DHRS12: variants seen among roughly 807,000 people sequenced by gnomAD.
DHRS12 encodes the protein dehydrogenase/reductase 12.
In DHRS12, 29 loss-of-function variants were observed where a neutral mutation model predicts 32.1. That is an observed-to-expected ratio of 0.90 (90% CI 0.67 to 1.23). The LOEUF (loss-of-function observed/expected upper bound fraction) is 1.23. Ranked by LOEUF, DHRS12 falls within the 50% of genes most tolerant of loss-of-function variation. The pLI is 0.00. For missense variants in DHRS12, 330 were observed against 337.2 expected (o/e 0.98, Z 0.17); for synonymous variants, 150 against 135.9 (o/e 1.10, Z -0.72).
chr13:51,777,014 G>A lies in DHRS12; in HGVS notation c.363+46C>T, dbSNP rs765656374. 7.4e-6 allele frequency: 12 copies of A among 1,612,202 alleles called. No homozygotes were observed. In the East Asian group the frequency reaches 2.7e-4, roughly 36 times the overall value. On this transcript the variant is annotated intron_variant, in intron 5 of 8. Coordinates refer to ENST00000444610, the MANE Select transcript of DHRS12 (RefSeq NM_001377533.1). ...ACCTAGGCCCACTGACTTCCCATCA[G>A]GAGCAAAGTCCATTATCCTCAAAAC...
At chr13:51,774,442 TCTC>T (rs200339775) in intron 5 of DHRS12, 1 of 116,758 alleles carries the variant, frequency 8.6e-6, no homozygotes, top group Non-Finnish European at 1.7e-5. Context: ...CTACATGTAT[TCTC>T]CTACAGTACA....
intron 8 of DHRS12, chr13:51,768,594 C>T: frequency 8.1e-7 from 1 of 1,229,170 alleles, no homozygotes; most frequent in South Asian, 2.3e-5. Context: ...ACCAGCGCTT[C>T]AGAATTCCTC....
the DHRS12 span, chr13:51,756,729 A>G: frequency 1.3e-6 from 1 of 797,346 alleles, no homozygotes. Flanking sequence ...TGCTCCCAGA[A>G]CAAACCCTTC....
rs145023943 is a variant in DHRS12 at position 51,797,602 on chromosome 13, C to T, written c.126+1932G>A. Among the ~76,000 whole-genome samples, 1,182 of 152,280 alleles carry T rather than the reference C, an allele frequency of 7.8e-3. 11 individuals are homozygous for T. The highest frequency in any genetic ancestry group is 0.01 in the Middle Eastern group (3 of 294). ...TGCTGGCCTCTGCTGGTTTCACAGGCAGCTCAGGACCATGCGGTCAAGCCT... is the reference window on the plus strand; with the variant it reads ...TGCTGGCCTCTGCTGGTTTCACAGGTAGCTCAGGACCATGCGGTCAAGCCT... On this transcript the variant is annotated intron_variant, in intron 2 of 8. Transcript: ENST00000444610.
chr13:51,758,291 G>C, the DHRS12 span: 1 of 1,587,364 alleles, frequency 6.3e-7, no homozygotes, highest in East Asian at 2.3e-5. Context: ...GAACTGACAA[G>C]GTTATTAAGG....
At position 51,782,213 on chromosome 13, in the gene DHRS12, G is replaced by C. The variant is rs1338259071; in HGVS notation, c.302-5092C>G. On this transcript the variant is annotated intron_variant, in intron 4 of 8. Coordinates refer to ENST00000444610, the MANE Select transcript of DHRS12 (RefSeq NM_001377533.1). The surrounding 1 kb of genome is among the most constrained non-coding windows in gnomAD (Gnocchi z 4.2). ...ATCTGGACCTGGAACTCAGAAGAGA[G>C]ATCTGGGCTGGAAGGGGGCCCTTGG... 6.6e-6 allele frequency among the ~76,000 whole-genome samples: 1 copy of C among 152,150 alleles called. No homozygotes were observed. Among genetic ancestry groups the C allele is most frequent in the Non-Finnish European group, 1.5e-5 (1 of 68,020 alleles).
chr13:51,789,687 T>C, intron 4 of DHRS12: 1 of 985,458 alleles, frequency 1.0e-6, no homozygotes, highest in Non-Finnish European at 1.2e-6. Context: ...GAAGTTCCTT[T>C]GGTTGCAGTT....
rs376665317 is a variant in DHRS12 at position 51,792,200 on chromosome 13, T to C, written c.127-943A>G. On this transcript the variant is annotated intron_variant, in intron 2 of 8. Transcript: ENST00000444610. ...ACTGTTTTCCATAGAGGCTGCACCA[T>C]TTTGCATTTCCACAAATGGTGTGCA... Among the ~76,000 whole-genome samples the C allele has an allele frequency of 2.2e-4, 33 of 152,318 alleles. 1 individual carries two copies. The highest frequency in any genetic ancestry group is 1.7e-3 in the East Asian group (9 of 5,186).
At chr13:51,797,754 TAGGAGTCCAGCCTCCTCACAGCTGACCA>T in intron 2 of DHRS12, 2 of 1,425,762 alleles carry the variant, frequency 1.4e-6, no homozygotes, top group Non-Finnish European at 1.9e-6. Context: ...GGAAAGCGGG[TAGGAGTCCAGCCTCCTCACAGCTGACCA>T]TGGAGGCAAG....
At chr13:51,788,835 G>C (rs562067027) in intron 4 of DHRS12, among the ~76,000 whole-genome samples, 30 of 152,084 alleles carry the variant, frequency 2.0e-4, no homozygotes, top group Non-Finnish European at 4.1e-4. Flanking sequence ...ACTCTAGCCA[G>C]GGCAACAGAA....
intron 4 of DHRS12, among the ~76,000 whole-genome samples, chr13:51,785,398 C>G (rs923395480): frequency 6.6e-6 from 1 of 151,540 alleles, no homozygotes; most frequent in Admixed American, 6.6e-5. Context: ...ATTCTCTCCT[C>G]GCCACCTCTG....
intron 4 of DHRS12, among the ~76,000 whole-genome samples, chr13:51,781,466 C>T (rs184061607): frequency 6.6e-6 from 1 of 152,142 alleles, no homozygotes; most frequent in Admixed American, 6.5e-5. Context: ...CAGGCATTCC[C>T]AGGCATTACA....
the DHRS12 span, chr13:51,758,231 C>T: frequency 6.3e-7 from 1 of 1,597,658 alleles, no homozygotes; most frequent in Non-Finnish European, 8.6e-7. Flanking sequence ...GTAAACATAA[C>T]ATTGTGCATG....
chr13:51,774,242 GTATTCTCC>G (rs1160098616), intron 5 of DHRS12: 2 of 469,040 alleles, frequency 4.3e-6, no homozygotes, highest in Admixed American at 3.9e-5. Flanking sequence ...TTCTCCTACA[GTATTCTCC>G]TACATGTATT....
At chr13:51,758,437 G>T in the DHRS12 span, 1 of 495,588 alleles carries the variant, frequency 2.0e-6, no homozygotes, top group Non-Finnish European at 3.6e-6. Flanking sequence ...TGTAGTCCCA[G>T]CTACTCAGGA....
intron 2 of DHRS12, among the ~76,000 whole-genome samples, chr13:51,799,295 G>A (rs1955646706): frequency 6.6e-6 from 1 of 152,142 alleles, no homozygotes; most frequent in Non-Finnish European, 1.5e-5. Context: ...AGAAAACACT[G>A]GGACACGTGG....
chr13:51,759,683 G>A, the DHRS12 span: 3 of 1,571,974 alleles, frequency 1.9e-6, no homozygotes, highest in Middle Eastern at 1.7e-4. Flanking sequence ...CAGTTCTAAG[G>A]ACTGTTATCC....
chr13:51,778,138 G>C (rs1954533300), intron 4 of DHRS12, among the ~76,000 whole-genome samples: 1 of 152,228 alleles, frequency 6.6e-6, no homozygotes, highest in South Asian at 2.1e-4. Context: ...CTGAACCCTG[G>C]CTCTGGCACT....
At chr13:51,801,791 C>T (rs1399996557) in intron 1 of DHRS12, among the ~76,000 whole-genome samples, 3 of 152,226 alleles carry the variant, frequency 2.0e-5, no homozygotes, top group Admixed American at 6.5e-5. Flanking sequence ...CCACAGGGAA[C>T]AGGCCTGAAG....
Sources: gnomAD v4.1 joint callset for allele counts (sites outside exome capture counted in the v4.1 genomes callset) on GRCh38, gnomAD v4.1.1 for gene constraint, Gnocchi (gnomAD v3.1) non-coding constraint, MANE v1.5 for transcripts, NCBI Gene and HGNC (gene_info 2026-07-23, HGNC 2026-07-21) for gene names.